Variants in UHRF2 observed in about 807,000 individuals in gnomAD.
The protein encoded by UHRF2 is ubiquitin like with PHD and ring finger domains 2, also known as E3 ubiquitin-protein ligase UHRF2.
A neutral mutation model predicts 96.8 loss-of-function variants in UHRF2; 23 were observed. The ratio of observed to expected loss-of-function variants is 0.24; its 90% CI spans 0.17 to 0.34. The LOEUF is 0.34. UHRF2 is among the 10% of genes least tolerant of loss of function. UHRF2 has a pLI of 1.00. For synonymous variants in UHRF2, 385 were observed against 332.6 expected, an observed-to-expected ratio of 1.16 and a Z score of -1.72; for missense variants, 685 against 981.5, an observed-to-expected ratio of 0.70 and a Z score of 4.04.
At chr9:6,458,420 T>C (rs567705829) in intron 3 of UHRF2, among the ~76,000 whole-genome samples, 2 of 152,212 alleles carry the variant, frequency 1.3e-5, no homozygotes, top group South Asian at 4.1e-4. Context: ...TCTATTTTGC[T>C]GATCTTTTCA....
intron 4 of UHRF2, among the ~76,000 whole-genome samples, chr9:6,463,349 T>A (rs1416704570): frequency 6.6e-6 from 1 of 152,132 alleles, no homozygotes; most frequent in East Asian, 1.9e-4. Flanking sequence ...AGAGAATGGT[T>A]ATGTGATAGC....
intron 4 of UHRF2, among the ~76,000 whole-genome samples, chr9:6,474,483 G>A (rs201432601): frequency 6.6e-6 from 1 of 152,074 alleles, no homozygotes; most frequent in East Asian, 1.9e-4. Flanking sequence ...AGGCGGGCAG[G>A]TCACCTGAGG....
At chr9:6,442,521 C>T (rs1440232295) in intron 3 of UHRF2, among the ~76,000 whole-genome samples, 2 of 152,024 alleles carry the variant, frequency 1.3e-5, no homozygotes, top group Non-Finnish European at 2.9e-5. Flanking sequence ...TTCCATCACC[C>T]TGATTGAAAT....
In UHRF2 at chr9:6,422,719, C is replaced by A. The variant is rs1008728034; in HGVS notation, c.384+1577C>A. The A allele has an allele frequency of 7.6e-6, 4 of 525,128 alleles. No individual in the cohort carries two copies. In the Admixed American group the frequency reaches 1.2e-4, roughly 16 times the overall value. The allele number at this position is 525,128 out of a possible 1,614,324, so 32.5% of individuals were successfully genotyped here. ...TGACCTGCTGGGGTCAAGTGATCTT[C>A]CTGCTCGGCCTCCCAAAGTGCTGGG... On this transcript the variant is annotated intron_variant, in intron 2 of 15. Coordinates refer to ENST00000276893, the MANE Select transcript of UHRF2 (RefSeq NM_152896.3).
At chr9:6,493,297 A>C (rs13296970) in intron 9 of UHRF2, among the ~76,000 whole-genome samples, 40,314 of 147,570 alleles carry the variant, frequency 0.27, 6,174 homozygotes, top group African/African-American at 0.44. Flanking sequence ...GACTCTGTTT[A>C]AAAAAAAAAA....
chr9:6,501,724 G>A (rs181502358), intron 14 of UHRF2, among the ~76,000 whole-genome samples: 1 of 152,174 alleles, frequency 6.6e-6, no homozygotes, highest in Non-Finnish European at 1.5e-5. Flanking sequence ...TTGTATTTTA[G>A]CCAAGACACC....
chr9:6,481,993 G>T lies in UHRF2; in HGVS notation c.1286G>T (p.Gly429Val). 6.2e-7 allele frequency: 1 copy of T among 1,612,612 alleles called. No homozygotes were observed. Among genetic ancestry groups the T allele is most frequent in the Non-Finnish European group, 8.5e-7 (1 of 1,179,538 alleles). ...CAACGTTTGTTTTGCGTCTTGTAGG[G>T]AATGGCTTGTGTTGGTCGTACGAGA... ...STESRRDWGRGMACVGRTREC... is the reference protein window; with the variant it reads ...STESRRDWGRVMACVGRTREC... The change falls in exon 8 of 16, where the codon GGA (glycine) becomes GTA (valine). Residue 429 changes from glycine (G) to valine (V), a missense_variant and splice_region_variant. Coordinates refer to ENST00000276893, the MANE Select transcript of UHRF2 (RefSeq NM_152896.3).
intron 14 of UHRF2, among the ~76,000 whole-genome samples, chr9:6,501,494 G>GT (rs1816290957): frequency 6.6e-6 from 1 of 152,156 alleles, no homozygotes; most frequent in African/African-American, 2.4e-5. Flanking sequence ...AAACTCTACA[G>GT]AGTTTCCTTT....
In UHRF2 at chr9:6,474,843, T is replaced by C. The variant is rs182024707; in HGVS notation, c.864-548T>C. 2.1e-3 allele frequency among the ~76,000 whole-genome samples: 317 copies of C among 152,354 alleles called. 5 individuals carry two copies. The highest frequency in any genetic ancestry group is 0.021 in the Admixed American group (315 of 15,300). Reference sequence around the variant, plus strand: ...ATGGTGTAGTATTTGAAAGACTTTATGAAAAGGGCATCTTATTTTTGCCTA... The same window carrying C: ...ATGGTGTAGTATTTGAAAGACTTTACGAAAAGGGCATCTTATTTTTGCCTA... On this transcript the variant is annotated intron_variant, in intron 4 of 15. Transcript: ENST00000276893.
intron 8 of UHRF2, among the ~76,000 whole-genome samples, chr9:6,485,016 C>G (rs2130921373): frequency 6.6e-6 from 1 of 152,020 alleles, no homozygotes; most frequent in African/African-American, 2.4e-5. Context: ...TGGTCTCAAA[C>G]TCCCGACCTC....
rs544852408 is a variant in UHRF2, at chr9:6,465,627, T to C, written c.863+4836T>C. 7.2e-5 allele frequency among the ~76,000 whole-genome samples: 11 copies of C among 152,350 alleles called. No individual in the cohort carries two copies. In the East Asian group the frequency reaches 2.1e-3, roughly 29 times the overall value. Reference sequence around the variant, plus strand: ...TAATGTGTTAATCTGTTACGATGTTTTTTATTTCTGAATTTAGTTTGTGAC... The same window carrying C: ...TAATGTGTTAATCTGTTACGATGTTCTTTATTTCTGAATTTAGTTTGTGAC... On this transcript the variant is annotated intron_variant, in intron 4 of 15. Coordinates refer to ENST00000276893, the MANE Select transcript of UHRF2 (RefSeq NM_152896.3).
chr9:6,468,685 G>C (rs1354307568), intron 4 of UHRF2: 1 of 456,036 alleles, frequency 2.2e-6, no homozygotes, highest in African/African-American at 2.0e-5. Flanking sequence ...GACTTCTGCT[G>C]GACAAGAGGC....
intron 2 of UHRF2, 84 bp from the exon 3 acceptor site, chr9:6,433,830 C>G (rs1820686358): frequency 2.1e-6 from 3 of 1,418,928 alleles, no homozygotes; most frequent in Non-Finnish European, 2.9e-6. Context: ...ACCATGATAA[C>G]CCACAAATAA....
At chr9:6,479,930 C>T (rs745967335) in intron 6 of UHRF2, among the ~76,000 whole-genome samples, 3 of 152,158 alleles carry the variant, frequency 2.0e-5, no homozygotes, top group Non-Finnish European at 2.9e-5. Context: ...CTTCCATGTA[C>T]TATCCGTTCT....
intron 2 of UHRF2, among the ~76,000 whole-genome samples, chr9:6,423,981 A>G (rs952555400): frequency 7.2e-6 from 1 of 139,212 alleles, no homozygotes; most frequent in Non-Finnish European, 1.5e-5. Context: ...AACTCTTGAT[A>G]AGAGGAATAG....
intron 6 of UHRF2, among the ~76,000 whole-genome samples, chr9:6,479,310 A>T (rs1382782638): frequency 1.3e-5 from 2 of 152,148 alleles, no homozygotes; most frequent in Non-Finnish European, 2.9e-5. Flanking sequence ...CCTAAGGGTC[A>T]GTTCTCATTC....
chr9:6,463,222 C>A (rs117408110), intron 4 of UHRF2, among the ~76,000 whole-genome samples: 1,790 of 149,786 alleles, frequency 0.012, 19 homozygotes, highest in Non-Finnish European at 0.019. Flanking sequence ...CGCAGATTGC[C>A]GTGAGCTGAG....
chr9:6,481,881 A>T, intron 7 of UHRF2, 111 bp from the exon 8 acceptor site: 4 of 1,534,654 alleles, frequency 2.6e-6, no homozygotes, highest in Non-Finnish European at 2.6e-6. Flanking sequence ...GTTAATATCA[A>T]TGGTACTTAA....
chr9:6,495,573 A>C (rs958710696), intron 10 of UHRF2: 1 of 152,100 alleles, frequency 6.6e-6, no homozygotes, highest in African/African-American at 2.4e-5. Flanking sequence ...GTTTATTCCT[A>C]TTTCTTCCCA....
Sources: allele counts gnomAD v4.1 joint callset (sites outside exome capture counted in the v4.1 genomes callset), GRCh38; gene constraint gnomAD v4.1.1; transcripts MANE v1.5; gene names NCBI Gene and HGNC (gene_info 2026-07-23, HGNC 2026-07-21).